The following DNAH6 variants were observed in gnomAD, a reference collection of about 807,000 sequenced individuals.
DNAH6 encodes axonemal beta dynein heavy chain 6.
Under a neutral mutation model 491.4 loss-of-function variants are expected in DNAH6, and 340 were observed. The observed-to-expected ratio is 0.69, with a 90% CI of 0.63 to 0.76. The LOEUF (loss-of-function observed/expected upper bound fraction) is 0.76, where lower values mean the gene tolerates loss of function less well. DNAH6 is among the 30% of genes least tolerant of loss of function. The pLI, the probability that DNAH6 is intolerant of heterozygous loss-of-function variation, is 0.00. For missense variants in DNAH6, 4,443 were observed against 4,972.2 expected, an observed-to-expected ratio of 0.89 and a Z score of 3.20; for synonymous variants, 1,603 against 1,686.1, an observed-to-expected ratio of 0.95 and a Z score of 1.21.
chr2:84,779,780 C>T (rs1676501538), intron 64 of DNAH6, among the ~76,000 whole-genome samples: 1 of 152,106 alleles, frequency 6.6e-6, no homozygotes. Flanking sequence ...ATCACTCCTT[C>T]ATTTCCGTGT....
intron 5 of DNAH6, 62 bp from the exon 6 acceptor site, chr2:84,547,206 T>C: frequency 7.4e-7 from 1 of 1,359,852 alleles, no homozygotes; most frequent in Non-Finnish European, 9.9e-7. Context: ...GCTTTTTGAA[T>C]GTTCTATACT....
intron 5 of DNAH6, among the ~76,000 whole-genome samples, chr2:84,545,221 T>C (rs541673371): frequency 6.6e-6 from 1 of 152,178 alleles, no homozygotes; most frequent in Non-Finnish European, 1.5e-5. Flanking sequence ...TATGAAAGAC[T>C]GTTATCAACA....
At chr2:84,803,916 A>G (rs766355909) in intron 70 of DNAH6, among the ~76,000 whole-genome samples, 20 of 152,300 alleles carry the variant, frequency 1.3e-4, no homozygotes, top group Non-Finnish European at 2.6e-4. Flanking sequence ...CCCGAAGTGT[A>G]ATAAGATCAG....
intron 60 of DNAH6, among the ~76,000 whole-genome samples, chr2:84,726,697 A>G (rs1050627480): frequency 7.2e-5 from 11 of 152,166 alleles, no homozygotes; most frequent in Non-Finnish European, 1.5e-4. Flanking sequence ...TGGGTGCAGC[A>G]CACCAACATG....
chr2:84,746,858 C>A (rs1054229545), intron 63 of DNAH6, among the ~76,000 whole-genome samples: 2 of 152,018 alleles, frequency 1.3e-5, no homozygotes, highest in African/African-American at 4.8e-5. Flanking sequence ...TGGTGAAAGG[C>A]AAAGGGGGAG....
chr2:84,688,992 A>G (rs140004183), intron 45 of DNAH6, among the ~76,000 whole-genome samples: 1 of 152,344 alleles, frequency 6.6e-6, no homozygotes, highest in East Asian at 1.9e-4. Flanking sequence ...ACCTGCTTGC[A>G]TGTCTGACTC....
In DNAH6 at chr2:84,637,264, G is replaced by A; in HGVS notation, c.4708G>A (p.Ala1570Thr). Reference sequence around the variant, plus strand: ...AATAAAGTTGGTGATGACTTGTGCAGCCTTCATCACAATGAATCCTGGCTA... The same window carrying A: ...AATAAAGTTGGTGATGACTTGTGCAACCTTCATCACAATGAATCCTGGCTA... The part of the protein sequence containing the change: ...REIKLVMTCA[A>T]FITMNPGYAG... Residue 1570 changes from alanine to threonine, a missense_variant, in exon 31 of 77, where the codon GCC (alanine) becomes ACC (threonine). By Grantham distance (58) the Ala-to-Thr change is moderately conservative. Around this residue, in one of 3 missense-constraint regions of DNAH6, gnomAD observed 2,977 missense variants for 3,296.6 expected, o/e 0.90. Coordinates refer to ENST00000389394, the MANE Select transcript of DNAH6 (RefSeq NM_001370.2). The A allele has an allele frequency of 5.8e-6, 9 of 1,551,240 alleles. No individual in the cohort carries two copies. Among genetic ancestry groups the A allele is most frequent in the Non-Finnish European group, 7.8e-6 (9 of 1,146,670 alleles).
At chr2:84,661,365 A>T (rs1368010211) in intron 37 of DNAH6, among the ~76,000 whole-genome samples, 5 of 152,184 alleles carry the variant, frequency 3.3e-5, no homozygotes, top group Non-Finnish European at 5.9e-5. Context: ...GAAATAAGAC[A>T]TACAAACTTT....
chr2:84,566,760 T>C (rs1573039638), intron 11 of DNAH6, among the ~76,000 whole-genome samples: 1 of 152,096 alleles, frequency 6.6e-6, no homozygotes, highest in East Asian at 1.9e-4. Context: ...ATGTAAACAC[T>C]CTATAATTAA....
chr2:84,736,201 A>T (rs1456561227), intron 62 of DNAH6, among the ~76,000 whole-genome samples: 2 of 152,080 alleles, frequency 1.3e-5, no homozygotes, highest in East Asian at 3.9e-4. Context: ...ATTCTGTTCC[A>T]TGTGTCTACT....
intron 54 of DNAH6, 66 bp downstream of exon 54, chr2:84,707,782 A>G: frequency 7.7e-7 from 1 of 1,305,556 alleles, no homozygotes; most frequent in Non-Finnish European, 1.1e-6. Context: ...GGGGTGGTTC[A>G]TTTTTCTGAG....
intron 40 of DNAH6, 86 bp from the exon 41 acceptor site, chr2:84,676,919 T>A: frequency 6.9e-7 from 1 of 1,455,168 alleles, no homozygotes; most frequent in Non-Finnish European, 9.3e-7. Context: ...AATGCAATGC[T>A]GGCATTTGGG....
At chr2:84,565,554 A>G (rs1364031252) in intron 11 of DNAH6, among the ~76,000 whole-genome samples, 1 of 151,558 alleles carries the variant, frequency 6.6e-6, no homozygotes, top group Non-Finnish European at 1.5e-5. Context: ...ATCTTTGTCA[A>G]TTCTTGTTGT....
At chr2:84,639,800 C>A (rs1573322829) in intron 31 of DNAH6, among the ~76,000 whole-genome samples, 1 of 152,164 alleles carries the variant, frequency 6.6e-6, no homozygotes, top group Non-Finnish European at 1.5e-5. Flanking sequence ...ACAAAACAGA[C>A]ACCAGTAAGA....
Position 84,781,636 on chromosome 2 carries a change from A to G in DNAH6, c.10847A>G (p.Lys3616Arg), listed in dbSNP as rs1289074418. The change falls in exon 65 of 77, where the codon AAA becomes AGA. Residue 3616 changes from lysine (K) to arginine (R), a missense_variant. Lys to Arg is a conservative substitution (Grantham distance 26). Transcript: ENST00000389394. ...SWMLAMEELI[K>R]TFTDPDSAIK... ...ATGTTGGCAATGGAAGAGCTCATTA[A>G]AACCTTCACAGATCCAGGTATGTTG... 2 of 1,551,690 alleles carry G rather than the reference A, an allele frequency of 1.3e-6. No homozygotes were observed. Among genetic ancestry groups the G allele is most frequent in the Non-Finnish European group, 1.7e-6 (2 of 1,146,872 alleles).
chr2:84,688,831 G>C (rs543190970), intron 45 of DNAH6, among the ~76,000 whole-genome samples: 1 of 152,262 alleles, frequency 6.6e-6, no homozygotes, highest in East Asian at 1.9e-4. Flanking sequence ...GTTTCTGTTT[G>C]TTTTTATCTG....
upstream of DNAH6, among the ~76,000 whole-genome samples, chr2:84,512,661 T>G (rs945562684): frequency 4.6e-5 from 7 of 152,228 alleles, no homozygotes; most frequent in African/African-American, 7.2e-5. Context: ...GGTTATTACT[T>G]CATATGTTTT....
chr2:84,622,701 A>T (rs1687509759), intron 26 of DNAH6, among the ~76,000 whole-genome samples: 1 of 152,148 alleles, frequency 6.6e-6, no homozygotes, highest in South Asian at 2.1e-4. Context: ...CCAGAGTGGG[A>T]TTACTGGGTC....
At chr2:84,703,304 A>G in intron 49 of DNAH6, 91 bp from the exon 50 acceptor site, 1 of 931,784 alleles carries the variant, frequency 1.1e-6, no homozygotes, top group Non-Finnish European at 1.5e-6. Flanking sequence ...CTGTAGACGT[A>G]AAAGTCTAAT....
Sources: allele counts gnomAD v4.1 joint callset (sites outside exome capture counted in the v4.1 genomes callset), GRCh38; gene constraint gnomAD v4.1.1; regional missense constraint gnomAD v4.1.1; transcripts MANE v1.5; gene names NCBI Gene and HGNC (gene_info 2026-07-23, HGNC 2026-07-21).